AKAP13: variants seen among roughly 807,000 people sequenced by gnomAD.
The protein encoded by AKAP13 is A-kinase anchor protein 13.
A neutral mutation model predicts 264.5 loss-of-function variants in AKAP13; 80 were observed. The ratio of observed to expected loss-of-function variants is 0.30; its 90% CI spans 0.25 to 0.36. The LOEUF (loss-of-function observed/expected upper bound fraction) is 0.36, where lower values mean the gene tolerates loss of function less well. AKAP13 is among the 10% of genes least tolerant of loss of function. The probability of loss-of-function intolerance (pLI) is 1.00; values close to 1 mark genes in which losing one functional copy is unlikely to be tolerated. For missense variants in AKAP13, 3,712 were observed against 3,435.2 expected (o/e 1.08, Z -2.01); for synonymous variants, 1,380 against 1,250.2 (o/e 1.10, Z -2.19).
At chr15:85,602,268 C>T (rs2080116967) in intron 8 of AKAP13, among the ~76,000 whole-genome samples, 1 of 149,536 alleles carries the variant, frequency 6.7e-6, no homozygotes, top group Admixed American at 6.7e-5. Context: ...CTCTACCACC[C>T]AGGTTCAAGG....
chr15:85,743,389 T>C, intron 35 of AKAP13, 103 bp from the exon 36 acceptor site: 1 of 1,285,042 alleles, frequency 7.8e-7, no homozygotes, highest in Non-Finnish European at 1.1e-6. Flanking sequence ...GGTGGGTAAG[T>C]ACCCAGCCAG....
intron 1 of AKAP13, among the ~76,000 whole-genome samples, chr15:85,414,432 A>T (rs2072135632): frequency 6.6e-6 from 1 of 152,220 alleles, no homozygotes; most frequent in Non-Finnish European, 1.5e-5. Flanking sequence ...CTTCTGAACT[A>T]GTCAATAGCT....
At chr15:85,430,011 G>T (rs1296198889) in intron 1 of AKAP13, among the ~76,000 whole-genome samples, 8 of 152,220 alleles carry the variant, frequency 5.3e-5, no homozygotes. Flanking sequence ...TAGGCAGAAT[G>T]TCCAATGTGG....
At chr15:85,389,486 G>A (rs1039973192) in intron 1 of AKAP13, among the ~76,000 whole-genome samples, 1 of 152,224 alleles carries the variant, frequency 6.6e-6, no homozygotes, top group East Asian at 1.9e-4. Flanking sequence ...CACTTTTCTA[G>A]TAGTTAGGGA....
chr15:85,525,546 G>T (rs1221359543), intron 3 of AKAP13, among the ~76,000 whole-genome samples: 1 of 152,198 alleles, frequency 6.6e-6, no homozygotes, highest in South Asian at 2.1e-4. Context: ...TATGAAAGTG[G>T]CTAGTTCAAG....
intron 3 of AKAP13, among the ~76,000 whole-genome samples, chr15:85,526,927 A>C (rs1596439810): frequency 6.6e-6 from 1 of 151,862 alleles, no homozygotes; most frequent in African/African-American, 2.4e-5. Flanking sequence ...GAGGAAAAAA[A>C]TCTGTTGTCT....
chr15:85,571,362 A>G (rs957765982), intron 5 of AKAP13, among the ~76,000 whole-genome samples: 3 of 152,136 alleles, frequency 2.0e-5, no homozygotes, highest in Admixed American at 6.5e-5. Flanking sequence ...TGGCTACATA[A>G]TAGTCTATAG....
intron 1 of AKAP13, among the ~76,000 whole-genome samples, chr15:85,476,052 C>G (rs2075153227): frequency 6.6e-6 from 1 of 152,164 alleles, no homozygotes; most frequent in African/African-American, 2.4e-5. Flanking sequence ...ATTTGACTTA[C>G]TGCTGATAGT....
chr15:85,558,744 A>T (rs731760), intron 5 of AKAP13, among the ~76,000 whole-genome samples: 102,735 of 152,026 alleles, frequency 0.68, 34,773 homozygotes, highest in Middle Eastern at 0.78. Flanking sequence ...TATCATGTTT[A>T]AGTTTCTCAT....
At chr15:85,440,645 G>A (rs1243385903) in intron 1 of AKAP13, among the ~76,000 whole-genome samples, 1 of 152,190 alleles carries the variant, frequency 6.6e-6, no homozygotes, top group East Asian at 1.9e-4. Context: ...AGGGAGGGGA[G>A]TATCTAAACA....
intron 1 of AKAP13, among the ~76,000 whole-genome samples, chr15:85,466,002 T>C (rs1355270498): frequency 6.6e-6 from 1 of 151,986 alleles, no homozygotes; most frequent in African/African-American, 2.4e-5. Context: ...CTCCACATCC[T>C]CTCCAGCACC....
At chr15:85,455,557 A>C (rs2150987048) in intron 1 of AKAP13, among the ~76,000 whole-genome samples, 1 of 152,262 alleles carries the variant, frequency 6.6e-6, no homozygotes, top group South Asian at 2.1e-4. Flanking sequence ...TGTTCACAGC[A>C]ATAACATAGG....
intron 2 of AKAP13, among the ~76,000 whole-genome samples, chr15:85,510,259 T>C (rs940401464): frequency 1.3e-5 from 2 of 152,222 alleles, no homozygotes; most frequent in Non-Finnish European, 2.9e-5. Context: ...GTCTTGAGCT[T>C]TGAGCAGCAC....
At chr15:85,683,966 C>G (rs2084754869) in intron 15 of AKAP13, among the ~76,000 whole-genome samples, 1 of 152,158 alleles carries the variant, frequency 6.6e-6, no homozygotes, top group South Asian at 2.1e-4. Context: ...AAAATTGAAC[C>G]TAGCTGCATG....
intron 33 of AKAP13, among the ~76,000 whole-genome samples, chr15:85,736,425 GTT>G (rs1159673161): frequency 3.1e-5 from 2 of 65,270 alleles, no homozygotes; most frequent in Non-Finnish European, 8.2e-5. Context: ...CTGTTTTTTT[GTT>G]TGTTTGTTTG....
chr15:85,500,462 G>T lies in AKAP13; in HGVS notation c.33+14709G>T, dbSNP rs530869956. ...TCTCTTTGGAAATTCTGTCACCTGA[G>T]ATGAGACTATTAGCTAGATTCGTGA... is the stretch of plus-strand genomic sequence containing the variant. On this transcript the variant is annotated intron_variant, in intron 2 of 36. Transcript: ENST00000394518. Among the ~76,000 whole-genome samples the T allele has an allele frequency of 3.9e-5, 6 of 152,292 alleles. No individual in the cohort carries two copies. The South Asian group carries it at 8.3e-4, about 21-fold the overall frequency.
intron 8 of AKAP13, among the ~76,000 whole-genome samples, chr15:85,586,511 C>G (rs1347133616): frequency 2.0e-5 from 3 of 152,066 alleles, no homozygotes; most frequent in Non-Finnish European, 4.4e-5. Flanking sequence ...GCCTATAAAC[C>G]CTTCTTAAAC....
At chr15:85,481,782 C>G (rs1420728158) in intron 1 of AKAP13, among the ~76,000 whole-genome samples, 2 of 152,212 alleles carry the variant, frequency 1.3e-5, no homozygotes, top group Non-Finnish European at 2.9e-5. Flanking sequence ...TCCACTGTGT[C>G]TGTCATGTAT....
intron 4 of AKAP13, among the ~76,000 whole-genome samples, chr15:85,543,082 A>G (rs2077623543): frequency 6.6e-6 from 1 of 152,188 alleles, no homozygotes; most frequent in Non-Finnish European, 1.5e-5. Flanking sequence ...CCTTTATTTC[A>G]AGTTAAATAA....
Sources: gnomAD v4.1 joint callset for allele counts (sites outside exome capture counted in the v4.1 genomes callset) on GRCh38, gnomAD v4.1.1 for gene constraint, MANE v1.5 for transcripts, NCBI Gene and HGNC (gene_info 2026-07-23, HGNC 2026-07-21) for gene names.